The following HLCS variants were observed in gnomAD, a reference collection of about 807,000 sequenced individuals.
HLCS encodes biotin--protein ligase.
Under a neutral mutation model 75.0 loss-of-function variants are expected in HLCS, and 53 were observed. That is an observed-to-expected ratio of 0.71 (90% confidence interval 0.57 to 0.89). The LOEUF is 0.89. Ranked by LOEUF, HLCS falls within the 40% of genes least tolerant of loss-of-function variation. The probability of loss-of-function intolerance (pLI) is 0.00; values close to 1 mark genes in which losing one functional copy is unlikely to be tolerated. For synonymous variants in HLCS, 431 were observed against 428.6 expected (o/e 1.01, Z -0.07); for missense variants, 966 against 1,074.0 (o/e 0.90, Z 1.41).
intron 2 of HLCS, among the ~76,000 whole-genome samples, chr21:36,953,746 A>G (rs1349490224): frequency 6.6e-6 from 1 of 152,142 alleles, no homozygotes; most frequent in Non-Finnish European, 1.5e-5. Flanking sequence ...CTTGGCTTTA[A>G]GTTGAAATCT....
chr21:36,982,360 C>A (rs1225493613), intron 1 of HLCS, among the ~76,000 whole-genome samples: 4 of 152,142 alleles, frequency 2.6e-5, no homozygotes, highest in African/African-American at 9.7e-5. Flanking sequence ...TGGGTGTGGA[C>A]CCATTACTAC....
chr21:36,800,422 G>A (rs2061164024), intron 6 of HLCS, among the ~76,000 whole-genome samples: 1 of 152,188 alleles, frequency 6.6e-6, no homozygotes, highest in South Asian at 2.1e-4. Context: ...ATCAGGTATG[G>A]AACAGATGCA....
intron 6 of HLCS, among the ~76,000 whole-genome samples, chr21:36,775,539 C>A (rs1225813444): frequency 6.6e-6 from 1 of 152,238 alleles, no homozygotes; most frequent in South Asian, 2.1e-4. Flanking sequence ...TCAGCGGTAG[C>A]CCTGATGGCA....
At chr21:36,895,258 T>C (rs1297647157) in intron 6 of HLCS, among the ~76,000 whole-genome samples, 3 of 152,242 alleles carry the variant, frequency 2.0e-5, no homozygotes, top group Admixed American at 1.3e-4. Context: ...CATTTTTTTA[T>C]TCAGAAAATG....
At chr21:36,885,891 A>G (rs1224057838) in intron 6 of HLCS, among the ~76,000 whole-genome samples, 1 of 152,182 alleles carries the variant, frequency 6.6e-6, no homozygotes, top group Non-Finnish European at 1.5e-5. Flanking sequence ...AAGGAAATAG[A>G]GGCATAAAAG....
At chr21:36,794,615 A>AT (rs2060972664) in intron 6 of HLCS, among the ~76,000 whole-genome samples, 1 of 152,146 alleles carries the variant, frequency 6.6e-6, no homozygotes, top group Non-Finnish European at 1.5e-5. Flanking sequence ...AGAACTCTGG[A>AT]TTTTTTACTG....
intron 7 of HLCS, 97 bp from the exon 8 acceptor site, chr21:36,765,269 C>G: frequency 8.9e-7 from 1 of 1,121,320 alleles, no homozygotes; most frequent in Non-Finnish European, 1.3e-6. Context: ...TAAATCTGAA[C>G]TTATTACAAT....
At chr21:36,797,173 G>A (rs1392302091) in intron 6 of HLCS, among the ~76,000 whole-genome samples, 2 of 152,002 alleles carry the variant, frequency 1.3e-5, no homozygotes, top group African/African-American at 4.8e-5. Context: ...AGCCTATCAC[G>A]ATCTCTCTTA....
chr21:36,894,620 T>C (rs2064935709), intron 6 of HLCS, among the ~76,000 whole-genome samples: 1 of 152,104 alleles, frequency 6.6e-6, no homozygotes. Context: ...CAACAACCAT[T>C]CATCCAGTAT....
intron 1 of HLCS, among the ~76,000 whole-genome samples, chr21:36,989,263 G>T (rs2069290824): frequency 6.8e-6 from 1 of 147,356 alleles, no homozygotes; most frequent in African/African-American, 2.6e-5. Context: ...CTCCCACCTA[G>T]GCCTCCCAGC....
intron 5 of HLCS, among the ~76,000 whole-genome samples, chr21:36,899,152 A>T (rs903260231): frequency 6.6e-6 from 1 of 152,176 alleles, no homozygotes; most frequent in Non-Finnish European, 1.5e-5. Context: ...TTTACCCCCA[A>T]AATACATAAA....
chr21:36,875,304 T>C (rs2063926466), intron 6 of HLCS, among the ~76,000 whole-genome samples: 1 of 152,128 alleles, frequency 6.6e-6, no homozygotes, highest in African/African-American at 2.4e-5. Context: ...AGTGAGAATT[T>C]CATTGACAAC....
At chr21:36,880,991 G>C (rs765801529) in intron 6 of HLCS, among the ~76,000 whole-genome samples, 2 of 146,718 alleles carry the variant, frequency 1.4e-5, no homozygotes, top group African/African-American at 5.2e-5. Context: ...TGTTTGTTTT[G>C]AGATAGAGTC....
chr21:36,952,723 G>A (rs534187601), intron 2 of HLCS, among the ~76,000 whole-genome samples: 8 of 150,958 alleles, frequency 5.3e-5, no homozygotes, highest in African/African-American at 1.5e-4. Flanking sequence ...CCAGGAAGTC[G>A]GAGGTTGCAG....
chr21:36,978,429 G>A (rs1483501867), intron 1 of HLCS, among the ~76,000 whole-genome samples: 6 of 151,912 alleles, frequency 3.9e-5, no homozygotes, highest in Non-Finnish European at 5.9e-5. Flanking sequence ...AGGAAACAGA[G>A]GTTGCAGTGA....
intron 5 of HLCS, among the ~76,000 whole-genome samples, chr21:36,914,030 G>C (rs774885725): frequency 1.3e-5 from 2 of 152,214 alleles, no homozygotes; most frequent in Non-Finnish European, 2.9e-5. Context: ...GGGACTGAAG[G>C]AGCAAGAGGG....
chr21:36,762,054 C>T (rs1329730528), intron 8 of HLCS, among the ~76,000 whole-genome samples: 2 of 152,216 alleles, frequency 1.3e-5, no homozygotes, highest in African/African-American at 2.4e-5. Context: ...ACTGTGTGCT[C>T]ATTTTTCATT....
intron 2 of HLCS, among the ~76,000 whole-genome samples, chr21:36,941,526 G>C (rs1260440747): frequency 6.6e-6 from 1 of 152,150 alleles, no homozygotes; most frequent in African/African-American, 2.4e-5. Context: ...AACTCAATAA[G>C]GAAATAATAG....
chr21:36,881,537 G>A (rs2064215349), intron 6 of HLCS, among the ~76,000 whole-genome samples: 1 of 152,228 alleles, frequency 6.6e-6, no homozygotes, highest in Admixed American at 6.5e-5. Context: ...GCCAACCAGA[G>A]GGGCCACACA....
Sources: allele counts gnomAD v4.1 joint callset (sites outside exome capture counted in the v4.1 genomes callset), GRCh38; gene constraint gnomAD v4.1.1; transcripts MANE v1.5; gene names NCBI Gene and HGNC (gene_info 2026-07-23, HGNC 2026-07-21).